The following TRIO variants were observed in gnomAD, a reference collection of about 807,000 sequenced individuals.
TRIO encodes triple functional domain protein.
Under a neutral mutation model 351.9 loss-of-function variants are expected in TRIO, and 58 were observed. The observed-to-expected ratio is 0.16, with a 90% CI of 0.13 to 0.21. The LOEUF (loss-of-function observed/expected upper bound fraction) is 0.21. Among genes scored for constraint, TRIO ranks in the 10% least tolerant of loss-of-function variants. The pLI is 1.00. For synonymous variants in TRIO, 1,758 were observed against 1,595.7 expected (o/e 1.10, Z -2.42); for missense variants, 3,201 against 4,027.8 (o/e 0.79, Z 5.56).
At chr5:14,318,742 A>C (rs906719756) in intron 9 of TRIO, among the ~76,000 whole-genome samples, 13 of 152,212 alleles carry the variant, frequency 8.5e-5, no homozygotes, top group Admixed American at 8.5e-4. Context: ...GTGTTTTTGA[A>C]TTGTCCAAAA....
intron 2 of TRIO, among the ~76,000 whole-genome samples, chr5:14,275,894 ATG>A (rs1462854071): frequency 2.7e-5 from 4 of 145,696 alleles, no homozygotes; most frequent in Admixed American, 1.4e-4. Flanking sequence ...GTTTATATAT[ATG>A]TGTTTATATA....
At position 14,496,980 on chromosome 5, in the gene TRIO, A is replaced by C; in HGVS notation, c.7982A>C (p.Lys2661Thr). 6.2e-7 allele frequency: 1 copy of C among 1,614,232 alleles called. No homozygotes were observed. The highest frequency in any genetic ancestry group is 8.5e-7 in the Non-Finnish European group (1 of 1,180,034). Residue 2661 changes from lysine (K) to threonine (T), a missense_variant, in exon 50 of 57, where the codon AAG (lysine) becomes ACG (threonine). Physicochemically the swap from Lys to Thr is moderately conservative, Grantham distance 78. This residue lies in a region of TRIO where 1,089 missense variants were observed against 954.9 expected (regional missense o/e 1.14). Coordinates refer to ENST00000344204, the MANE Select transcript of TRIO (RefSeq NM_007118.4). ...REGKLENGYR[K>T]SREGLSNKVS... ...GGCAAGTTAGAGAACGGTTATCGGAAGTCACGGGAAGGACTCAGCAACAAG... is the reference window on the plus strand; with the variant it reads ...GGCAAGTTAGAGAACGGTTATCGGACGTCACGGGAAGGACTCAGCAACAAG...
intron 19 of TRIO, among the ~76,000 whole-genome samples, chr5:14,376,120 T>C (rs1240714551): frequency 6.6e-6 from 1 of 152,164 alleles, no homozygotes; most frequent in African/African-American, 2.4e-5. Flanking sequence ...AGTCTGTTGT[T>C]AGGCTGGATG....
intron 1 of TRIO, among the ~76,000 whole-genome samples, chr5:14,203,998 G>T (rs62346560): frequency 6.6e-6 from 1 of 152,226 alleles, no homozygotes; most frequent in African/African-American, 2.4e-5. Context: ...AGCAACAAAT[G>T]TAGGAAGAAT....
intron 1 of TRIO, among the ~76,000 whole-genome samples, chr5:14,182,716 A>G (rs1331892893): frequency 6.6e-6 from 1 of 152,220 alleles, no homozygotes; most frequent in Non-Finnish European, 1.5e-5. Flanking sequence ...CTGTTGGAAC[A>G]TTCACTAGCC....
intron 34 of TRIO, among the ~76,000 whole-genome samples, chr5:14,455,342 G>C (rs1455030585): frequency 6.6e-6 from 1 of 152,202 alleles, no homozygotes; most frequent in African/African-American, 2.4e-5. Flanking sequence ...CCCTGAGCTA[G>C]ACACAGAGTG....
At chr5:14,327,464 A>G (rs1361059459) in intron 9 of TRIO, among the ~76,000 whole-genome samples, 1 of 152,186 alleles carries the variant, frequency 6.6e-6, no homozygotes, top group Non-Finnish European at 1.5e-5. Flanking sequence ...GCGCCTGGCC[A>G]GAAACAAATT....
At chr5:14,363,628 C>CTGTCCTT in intron 13 of TRIO, 104 bp from the exon 14 acceptor site, 2 of 1,097,750 alleles carry the variant, frequency 1.8e-6, no homozygotes, top group Non-Finnish European at 2.6e-6. Context: ...TTTGACGTCT[C>CTGTCCTT]TGTCCTTTGG....
At chr5:14,285,966 G>A (rs1215628617) in intron 3 of TRIO, among the ~76,000 whole-genome samples, 1 of 152,178 alleles carries the variant, frequency 6.6e-6, no homozygotes, top group Non-Finnish European at 1.5e-5. Flanking sequence ...GTGCGACTAA[G>A]TATTTTTTTA....
At chr5:14,434,618 A>G (rs1751441908) in intron 34 of TRIO, among the ~76,000 whole-genome samples, 1 of 152,232 alleles carries the variant, frequency 6.6e-6, no homozygotes, top group Admixed American at 6.5e-5. Context: ...CGGTGATGAA[A>G]ATCGGGCATG....
rs554956613 is a variant in TRIO, at chr5:14,358,791, G to A, written c.2216+444G>A. On this transcript the variant is annotated intron_variant, in intron 12 of 56. Transcript: ENST00000344204. ...CACCCCCAAGTGCTCTTCAAAGCAGGATATGGAGGCAGAGCCAGGATTGGT... is the reference window on the plus strand; with the variant it reads ...CACCCCCAAGTGCTCTTCAAAGCAGAATATGGAGGCAGAGCCAGGATTGGT... Among the ~76,000 whole-genome samples, 84 of 152,270 alleles carry A rather than the reference G, an allele frequency of 5.5e-4. 1 individual carries two copies. Among genetic ancestry groups the A allele is most frequent in the Admixed American group, 9.2e-4 (14 of 15,296 alleles).
At chr5:14,338,439 C>T (rs370271585) in intron 11 of TRIO, among the ~76,000 whole-genome samples, 9 of 152,316 alleles carry the variant, frequency 5.9e-5, no homozygotes, top group East Asian at 3.9e-4. Flanking sequence ...CGTGGTTAGC[C>T]GCTCTCCCTT....
At chr5:14,304,316 G>A (rs1738175052) in intron 7 of TRIO, 145 bp from the exon 8 acceptor site, 1 of 784,658 alleles carries the variant, frequency 1.3e-6, no homozygotes, top group African/African-American at 1.8e-5. Flanking sequence ...TGTGAGTTGA[G>A]GATGCCATTT....
chr5:14,150,641 G>C (rs1787775362), intron 1 of TRIO, among the ~76,000 whole-genome samples: 1 of 152,138 alleles, frequency 6.6e-6, no homozygotes, highest in Non-Finnish European at 1.5e-5. Context: ...TACATATTCA[G>C]CCTCACTCAT....
At chr5:14,502,692 G>T (rs758020041) in intron 54 of TRIO, 35 bp downstream of exon 54, 1 of 1,601,616 alleles carries the variant, frequency 6.2e-7, no homozygotes, top group Non-Finnish European at 8.6e-7. Context: ...TTCCGAAAGA[G>T]CAGAGCGTGG....
In TRIO at chr5:14,431,604, G is replaced by A. The variant is rs1308310595; in HGVS notation, c.5203+11583G>A. ...GAAGAATATTAAAGTTCTGTTCTTAGATATAGATGTGTTTCCTACTGTCTC... is the reference window on the plus strand; with the variant it reads ...GAAGAATATTAAAGTTCTGTTCTTAAATATAGATGTGTTTCCTACTGTCTC... On this transcript the variant is annotated intron_variant, in intron 34 of 56. Coordinates refer to ENST00000344204, the MANE Select transcript of TRIO (RefSeq NM_007118.4). 2.6e-5 allele frequency among the ~76,000 whole-genome samples: 4 copies of A among 152,174 alleles called. No individual in the cohort carries two copies. In the South Asian group the frequency reaches 6.2e-4, roughly 24 times the overall value.
At chr5:14,318,454 CAAA>C (rs35221462) in intron 9 of TRIO, among the ~76,000 whole-genome samples, 14 of 115,490 alleles carry the variant, frequency 1.2e-4, no homozygotes, top group Non-Finnish European at 1.1e-4. Flanking sequence ...GACTCCATCT[CAAA>C]AAAAAAAAAA....
chr5:14,209,232 T>C (rs1251088163), intron 1 of TRIO, among the ~76,000 whole-genome samples: 1 of 152,226 alleles, frequency 6.6e-6, no homozygotes, highest in African/African-American at 2.4e-5. Flanking sequence ...TTTTATGGTA[T>C]GTAAATTATA....
intron 7 of TRIO, among the ~76,000 whole-genome samples, chr5:14,302,304 A>G (rs1406168409): frequency 1.3e-5 from 2 of 151,596 alleles, no homozygotes; most frequent in African/African-American, 4.8e-5. Context: ...ATACGTTGCA[A>G]CTCCTCTTGG....
Sources: allele counts gnomAD v4.1 joint callset (sites outside exome capture counted in the v4.1 genomes callset), GRCh38; gene constraint gnomAD v4.1.1; regional missense constraint gnomAD v4.1.1; transcripts MANE v1.5; gene names NCBI Gene and HGNC (gene_info 2026-07-23, HGNC 2026-07-21).